HERC2: variants seen among roughly 807,000 people sequenced by gnomAD.
HERC2 encodes E3 ubiquitin-protein ligase HERC2.
Under a neutral mutation model 537.7 loss-of-function variants are expected in HERC2, and 102 were observed. The ratio of observed to expected loss-of-function variants is 0.19; its 90% CI spans 0.16 to 0.22. The LOEUF is 0.22. Among genes scored for constraint, HERC2 ranks in the 10% least tolerant of loss-of-function variants. The pLI is 1.00. For synonymous variants in HERC2, 2,224 were observed against 2,466.2 expected (o/e 0.90, Z 2.91); for missense variants, 4,236 against 6,198.2 (o/e 0.68, Z 10.63).
chr15:28,141,459 G>A lies in HERC2; in HGVS notation c.11988C>T (p.Thr3996=), dbSNP rs146673561. The A allele has an allele frequency of 4.2e-4, 684 of 1,614,018 alleles. 10 individuals are homozygous for A. Among genetic ancestry groups the A allele is most frequent in the South Asian group, 3.6e-3 (331 of 91,058 alleles). ...RPVQLIGGEQ[T]LFAVTADGKL... ...TCCCATCAGCCGTCACAGCAAAGAG[G>A]GTCTGTTCCCCTCCGATTAACTGCA... The change falls in exon 78 of 93, where the codon ACC becomes ACT. Residue 3996 remains threonine, a synonymous_variant. Coordinates refer to ENST00000261609, the MANE Select transcript of HERC2 (RefSeq NM_004667.6).
rs933510777 is a variant in HERC2, at chr15:28,116,551, A to C, written c.13609+114T>G. 61 of 1,126,420 alleles carry C rather than the reference A, an allele frequency of 5.4e-5. 3 individuals are homozygous for C. The South Asian group carries it at 8.9e-4, about 17-fold the overall frequency. 69.8% of individuals were successfully genotyped at this position (1,126,420 alleles called of 1,614,324 possible). A position where few individuals can be genotyped will look rare whatever the true frequency, so the allele number is the denominator to read the frequency against. ...ATTTTTATTGGTAACAGTCTCAAAA[A>C]CTAAAAGCAGATATTCAAGATATCT... On this transcript the variant is annotated intron_variant, in intron 88 of 92. Transcript: ENST00000261609.
intron 83 of HERC2, 93 bp downstream of exon 83, chr15:28,130,070 G>C (rs1008257065): frequency 1.3e-6 from 2 of 1,492,118 alleles, no homozygotes; most frequent in Admixed American, 1.8e-5. Flanking sequence ...ACCACACCTG[G>C]CCTGTGCCCC....
Position 28,185,981 on chromosome 15 carries a change from A to G in HERC2, c.8825+596T>C, listed in dbSNP as rs140366877. 2.0e-5 allele frequency among the ~76,000 whole-genome samples: 3 copies of G among 152,370 alleles called. No homozygotes were observed. In the East Asian group the frequency reaches 5.8e-4, roughly 29 times the overall value. ...ACAGTCATCATCACAGTGCTCAGAT[A>G]AAATAAGGAATTGAGTGAGTAAATG... On this transcript the variant is annotated intron_variant, in intron 56 of 92. Transcript: ENST00000261609.
Position 28,268,363 on chromosome 15 carries a change from G to T in HERC2, c.1598+102C>A. On this transcript the variant is annotated intron_variant, in intron 12 of 92. Transcript: ENST00000261609. This position sits in a 1 kb window ranked among gnomAD's most constrained non-coding sequence, Gnocchi z 4.7. ...GCTCCATCCCAGCGCTACATGTCAGGGCAATTGGAAAACACCTGGACACAC... is the reference window on the plus strand; with the variant it reads ...GCTCCATCCCAGCGCTACATGTCAGTGCAATTGGAAAACACCTGGACACAC... 2 of 1,097,994 alleles carry T rather than the reference G, an allele frequency of 1.8e-6. No individual in the cohort carries two copies. The highest frequency in any genetic ancestry group is 2.7e-6 in the Non-Finnish European group (2 of 749,746). 68.0% of individuals were successfully genotyped at this position (1,097,994 alleles called of 1,614,324 possible).
intron 57 of HERC2, among the ~76,000 whole-genome samples, chr15:28,179,724 G>A (rs1216814569): frequency 2.0e-5 from 3 of 152,234 alleles, no homozygotes; most frequent in African/African-American, 7.2e-5. Flanking sequence ...TTGTGGGGGT[G>A]AAAGAGAGCA....
In HERC2 at chr15:28,113,631, G is replaced by T; in HGVS notation, c.13961C>A (p.Ala4654Asp). The change falls in exon 91 of 93, where the codon GCC (alanine) becomes GAC (aspartate). Residue 4654 changes from alanine (A) to aspartate (D), a missense_variant. By Grantham distance (126) the Ala-to-Asp change is moderately radical. Around this residue, in one of 27 missense-constraint regions of HERC2, gnomAD observed 313 missense variants for 462.6 expected, o/e 0.68. Coordinates refer to ENST00000261609, the MANE Select transcript of HERC2 (RefSeq NM_004667.6). The surrounding 1 kb of genome is among the most constrained non-coding windows in gnomAD (Gnocchi z 7.0). ...GAGGAGGGGAACAGGCACAACGCGG[G>T]CCATTCCTTCCCGAACAGCAGCCAC... is the stretch of plus-strand genomic sequence containing the variant. ...EQVAAVREGM[A>D]RVVPVPLLSL... The T allele has an allele frequency of 6.2e-7, 1 of 1,614,194 alleles. No individual in the cohort carries two copies. Among genetic ancestry groups the T allele is most frequent in the South Asian group, 1.1e-5 (1 of 91,086 alleles).
intron 57 of HERC2, among the ~76,000 whole-genome samples, 191 bp downstream of exon 57, chr15:28,182,210 G>A (rs1187817588): frequency 2.0e-5 from 3 of 152,116 alleles, no homozygotes; most frequent in Non-Finnish European, 2.9e-5. Context: ...TTACAAGACC[G>A]CAATAAGACA....
intron 86 of HERC2, among the ~76,000 whole-genome samples, chr15:28,120,506 C>T (rs963580199): frequency 3.3e-5 from 5 of 152,100 alleles, no homozygotes; most frequent in African/African-American, 1.2e-4. Context: ...CATCAGGGGC[C>T]GAGGCTTCTC....
chr15:28,212,216 A>G (rs185929479), intron 43 of HERC2, among the ~76,000 whole-genome samples: 19 of 152,334 alleles, frequency 1.2e-4, no homozygotes, highest in Admixed American at 7.8e-4. Context: ...AGAGGGTGTG[A>G]GCCATGGGGT....
intron 75 of HERC2, 71 bp downstream of exon 75, chr15:28,142,756 C>A: frequency 1.3e-6 from 2 of 1,517,580 alleles, no homozygotes; most frequent in Non-Finnish European, 1.8e-6. Context: ...ACACACTGCA[C>A]ATGACAACTC....
chr15:28,214,913 C>A (rs1193000018), intron 39 of HERC2, 111 bp from the exon 40 acceptor site: 8 of 909,808 alleles, frequency 8.8e-6, no homozygotes, highest in Non-Finnish European at 1.1e-5. Flanking sequence ...CACACTGTCA[C>A]CCGGGCTGGA....
At chr15:28,291,747 A>T (rs1283259897) in intron 4 of HERC2, among the ~76,000 whole-genome samples, 1 of 151,888 alleles carries the variant, frequency 6.6e-6, no homozygotes, top group Non-Finnish European at 1.5e-5. Flanking sequence ...CCTCAATTAA[A>T]AAATGGAATT....
intron 2 of HERC2, among the ~76,000 whole-genome samples, chr15:28,305,020 C>T (rs2076746088): frequency 6.7e-6 from 1 of 149,662 alleles, no homozygotes; most frequent in Non-Finnish European, 1.5e-5. Flanking sequence ...CCAATTTCAT[C>T]CATGTCCCTA....
At chr15:28,167,484 A>C (rs891473790) in intron 68 of HERC2, among the ~76,000 whole-genome samples, 3 of 152,204 alleles carry the variant, frequency 2.0e-5, no homozygotes, top group Non-Finnish European at 2.9e-5. Flanking sequence ...CCTGATACTC[A>C]AGGAATACAC....
At chr15:28,214,631 C>T (rs1397240143) in intron 40 of HERC2, 24 bp downstream of exon 40, 1 of 1,610,318 alleles carries the variant, frequency 6.2e-7, no homozygotes, top group Admixed American at 1.7e-5. Context: ...CACCAGGGCA[C>T]AGGGAAGGTA....
At chr15:28,207,858 C>T (rs1005495902) in intron 44 of HERC2, among the ~76,000 whole-genome samples, 2 of 151,892 alleles carry the variant, frequency 1.3e-5, no homozygotes, top group African/African-American at 4.9e-5. Context: ...TCTGCCATTG[C>T]AGAGCAAAAG....
In HERC2 at chr15:28,141,514, G is replaced by C. The variant is rs760236932; in HGVS notation, c.11933C>G (p.Pro3978Arg). 11 of 1,614,126 alleles carry C rather than the reference G, an allele frequency of 6.8e-6. No individual in the cohort carries two copies. The highest frequency in any genetic ancestry group is 7.6e-6 in the Non-Finnish European group (9 of 1,180,020). ...IEGAKVKVPT[P>R]CEALATLRPV... ...TCTGAGAGTTGCAAGGGCTTCACAGGGAGTGGGAACTTTGACTTTTGCGCC... is the reference window on the plus strand; with the variant it reads ...TCTGAGAGTTGCAAGGGCTTCACAGCGAGTGGGAACTTTGACTTTTGCGCC... The change falls in exon 78 of 93, where the codon CCC becomes CGC. Residue 3978 changes from proline to arginine, a missense_variant. Transcript: ENST00000261609.
intron 2 of HERC2, among the ~76,000 whole-genome samples, chr15:28,303,436 A>T (rs2076690309): frequency 6.6e-6 from 1 of 152,140 alleles, no homozygotes; most frequent in Admixed American, 6.6e-5. Context: ...GATCTAAGCC[A>T]AAAAAGACCA....
intron 15 of HERC2, among the ~76,000 whole-genome samples, chr15:28,262,701 A>T (rs2075447922): frequency 6.7e-6 from 1 of 148,516 alleles, no homozygotes; most frequent in African/African-American, 2.6e-5. Flanking sequence ...CATTTCAGTC[A>T]TTTTGTAATA....
Sources: gnomAD v4.1 joint callset for allele counts (sites outside exome capture counted in the v4.1 genomes callset) on GRCh38, gnomAD v4.1.1 for gene constraint, gnomAD v4.1.1 regional missense constraint, Gnocchi (gnomAD v3.1) non-coding constraint, MANE v1.5 for transcripts, NCBI Gene and HGNC (gene_info 2026-07-23, HGNC 2026-07-21) for gene names.